The following DHX30 variants were observed in gnomAD, a reference collection of about 807,000 sequenced individuals.
DHX30 encodes ATP-dependent RNA helicase DHX30.
A neutral mutation model predicts 116.9 loss-of-function variants in DHX30; 4 were observed. That is an observed-to-expected ratio of 0.03 (90% CI 0.02 to 0.08). The LOEUF (loss-of-function observed/expected upper bound fraction) is 0.08, where lower values mean the gene tolerates loss of function less well. DHX30 is among the 10% of genes least tolerant of loss of function. The pLI, the probability that DHX30 is intolerant of heterozygous loss-of-function variation, is 1.00. For synonymous variants in DHX30, 697 were observed against 651.7 expected (o/e 1.07, Z -1.06); for missense variants, 871 against 1,595.1 (o/e 0.55, Z 7.73).
chr3:47,847,159 G>T lies in DHX30; in HGVS notation c.1930-114G>T. 1 of 1,493,216 alleles carries T rather than the reference G, an allele frequency of 6.7e-7. No individual in the cohort carries two copies. The allele number at this position is 1,493,216 out of a possible 1,614,324, so 92.5% of individuals were successfully genotyped here. ...GACTAACCCTGCCTGCGTGGCACAC[G>T]TGAGGATTGGAGTTGATGTCAAGCG... is the stretch of plus-strand genomic sequence containing the variant. On this transcript the variant is annotated intron_variant, in intron 11 of 21. Transcript: ENST00000445061. The surrounding 1 kb of genome is among the most constrained non-coding windows in gnomAD (Gnocchi z 5.5).
chr3:47,816,301 C>T, intron 3 of DHX30: 1 of 984,550 alleles, frequency 1.0e-6, no homozygotes, highest in Non-Finnish European at 1.2e-6. Flanking sequence ...CTTTGGACTA[C>T]CTAGACAGGC....
chr3:47,843,201 C>T lies in DHX30; in HGVS notation c.885C>T (p.Arg295=). 1 of 1,614,276 alleles carries T rather than the reference C, an allele frequency of 6.2e-7. No individual in the cohort carries two copies. Among genetic ancestry groups the T allele is most frequent in the Admixed American group, 1.7e-5 (1 of 60,030 alleles). The change falls in exon 9 of 22, where the codon CGC becomes CGT. Residue 295 remains arginine, a synonymous_variant. Transcript: ENST00000445061. Reference sequence around the variant, plus strand: ...CCATGACCTTTGTTGCCAAAGGGCGCCGCAAAGCAGAGGCTGAGAATAAGG... The same window carrying T: ...CCATGACCTTTGTTGCCAAAGGGCGTCGCAAAGCAGAGGCTGAGAATAAGG... ...PCPMTFVAKG[R]RKAEAENKAA...
chr3:47,834,208 A>G (rs879404360), intron 6 of DHX30, among the ~76,000 whole-genome samples: 8 of 152,056 alleles, frequency 5.3e-5, no homozygotes, highest in Non-Finnish European at 1.2e-4. Context: ...GGTCCAAGCA[A>G]TTCTCATGTC....
Position 47,848,275 on chromosome 3 carries a change from G to T in DHX30, c.2382G>T (p.Leu794Phe), listed in dbSNP as rs745490648. 1.2e-6 allele frequency: 2 copies of T among 1,613,838 alleles called. No individual in the cohort carries two copies. Among genetic ancestry groups the T allele is most frequent in the Non-Finnish European group, 1.7e-6 (2 of 1,179,984 alleles). ...GCCAGTCCGGCTTTGCCTACCACTTGTTCCCTCGAAGCCGGCTGGAGAAAA... is the reference window on the plus strand; with the variant it reads ...GCCAGTCCGGCTTTGCCTACCACTTTTTCCCTCGAAGCCGGCTGGAGAAAA... ...GRCQSGFAYH[L>F]FPRSRLEKMV... Residue 794 changes from leucine (L) to phenylalanine (F), a missense_variant, in exon 15 of 22, where the codon TTG (leucine) becomes TTT (phenylalanine). Physicochemically the swap from Leu to Phe is conservative, Grantham distance 22. This residue lies in a region of DHX30 where 14 missense variants were observed against 16.2 expected (regional missense o/e 0.86). Coordinates refer to ENST00000445061, the MANE Select transcript of DHX30 (RefSeq NM_138615.3). The surrounding 1 kb of genome is among the most constrained non-coding windows in gnomAD (Gnocchi z 9.4).
At chr3:47,815,924 A>G in intron 3 of DHX30, 1 of 983,300 alleles carries the variant, frequency 1.0e-6, no homozygotes. Flanking sequence ...ATAACTAATC[A>G]TTGAATCATT....
In DHX30 at chr3:47,813,922, T is replaced by C. The variant is rs557001761; in HGVS notation, c.28+3211T>C. Among the ~76,000 whole-genome samples, 12 of 142,880 alleles carry C rather than the reference T, an allele frequency of 8.4e-5. No individual in the cohort carries two copies. In the East Asian group the frequency reaches 1.3e-3, roughly 15 times the overall value. The allele number at this position is 142,880 out of a possible 152,430, so 93.7% of individuals were successfully genotyped here. A position where few individuals can be genotyped will look rare whatever the true frequency, so the allele number is the denominator to read the frequency against. On this transcript the variant is annotated intron_variant, in intron 3 of 21. Transcript: ENST00000445061. ...TTTTTTTTTTTTTTTTGGCCAGCTG[T>C]ATGTAAGAAGGAAAAAACTGAACTT...
At chr3:47,828,944 C>T in intron 5 of DHX30, 80 bp from the exon 6 acceptor site, 3 of 813,420 alleles carry the variant, frequency 3.7e-6, no homozygotes, top group South Asian at 1.5e-5. Flanking sequence ...TGAGGTCCAC[C>T]ACTGTTTATT....
At chr3:47,839,043 G>T (rs541789396) in intron 6 of DHX30, among the ~76,000 whole-genome samples, 2 of 151,326 alleles carry the variant, frequency 1.3e-5, no homozygotes, top group South Asian at 4.2e-4. Flanking sequence ...CTGGCTAACT[G>T]CCTCTTATAT....
At chr3:47,834,525 A>C (rs1432789966) in intron 6 of DHX30, among the ~76,000 whole-genome samples, 2 of 152,152 alleles carry the variant, frequency 1.3e-5, no homozygotes, top group Non-Finnish European at 2.9e-5. Context: ...GCTGGAATGC[A>C]GTGGTGCGAT....
At chr3:47,836,368 G>A (rs1425887337) in intron 6 of DHX30, among the ~76,000 whole-genome samples, 1 of 151,870 alleles carries the variant, frequency 6.6e-6, no homozygotes, top group Non-Finnish European at 1.5e-5. Context: ...CTGACCTTAG[G>A]TGATCCGCCT....
chr3:47,824,261 C>T (rs867930518), intron 4 of DHX30, among the ~76,000 whole-genome samples: 9 of 152,038 alleles, frequency 5.9e-5, no homozygotes, highest in Admixed American at 2.6e-4. Flanking sequence ...CCTCGGCTTC[C>T]GAAAGTGCTG....
chr3:47,846,337 G>A lies in DHX30; in HGVS notation c.1265G>A (p.Arg422Gln), dbSNP rs770195948. The A allele has an allele frequency of 3.1e-6, 5 of 1,614,102 alleles. No homozygotes were observed. Among genetic ancestry groups the A allele is most frequent in the East Asian group, 2.2e-5 (1 of 44,888 alleles). The change falls in exon 11 of 22, where the codon CGG becomes CAG. Residue 422 changes from arginine to glutamine, a missense_variant. Arg to Gln is a conservative substitution (Grantham distance 43, BLOSUM62 1). Around this residue, in one of 13 missense-constraint regions of DHX30, gnomAD observed 175 missense variants for 292.9 expected, o/e 0.60. Coordinates refer to ENST00000445061, the MANE Select transcript of DHX30 (RefSeq NM_138615.3). ...AGCCAGAGTCTGCTAGAACTGTGGC[G>A]GCGGCGAGGGCCGGTCTGGCAGGAG... is the stretch of plus-strand genomic sequence containing the variant. ...RLSQSLLELW[R>Q]RRGPVWQEAP...
In DHX30 at chr3:47,847,051, A is replaced by G. The variant is rs1464837571; in HGVS notation, c.1929+50A>G. On this transcript the variant is annotated intron_variant, in intron 11 of 21. Coordinates refer to ENST00000445061, the MANE Select transcript of DHX30 (RefSeq NM_138615.3). This position sits in a 1 kb window ranked among gnomAD's most constrained non-coding sequence, Gnocchi z 5.5. Reference sequence around the variant, plus strand: ...AAGGCTCCTGGCCTTTCCTCCGTGGATGCCCCTCCTCCCTGGCCCTGGGGC... The same window carrying G: ...AAGGCTCCTGGCCTTTCCTCCGTGGGTGCCCCTCCTCCCTGGCCCTGGGGC... 4 of 1,573,892 alleles carry G rather than the reference A, an allele frequency of 2.5e-6. No homozygotes were observed. Among genetic ancestry groups the G allele is most frequent in the Non-Finnish European group, 3.5e-6 (4 of 1,158,032 alleles).
rs1268796088 is a variant in DHX30 at position 47,849,504 on chromosome 3, A to G, written c.3141A>G (p.Thr1047=). ...GGAAGTTCAAGCCCAACAGCGTCAC[A>G]TATAGGACCAAATCAGGCAACATCC... ...RQGKFKPNSV[T]YRTKSGNILL... is the part of the protein sequence containing the mutation. Residue 1047 remains threonine (T), a synonymous_variant, in exon 20 of 22, where the codon ACA becomes ACG. Transcript: ENST00000445061. 1.2e-6 allele frequency: 2 copies of G among 1,600,472 alleles called. No homozygotes were observed. Among genetic ancestry groups the G allele is most frequent in the Admixed American group, 3.4e-5 (2 of 59,516 alleles).
chr3:47,829,603 C>CA (rs1260273248), intron 6 of DHX30, among the ~76,000 whole-genome samples: 1 of 151,896 alleles, frequency 6.6e-6, no homozygotes, highest in Non-Finnish European at 1.5e-5. Context: ...CTAGGCCTCT[C>CA]AAAGTGTTGG....
At position 47,829,012 on chromosome 3, in the gene DHX30, T is replaced by C. The variant is rs769508026; in HGVS notation, c.256-12T>C. ...GTGGCAAGACTTCTGATTTCTCTCT[T>C]CTCTTCCCCAGAAAGTCACACTGCA... On this transcript the variant is annotated splice_polypyrimidine_tract_variant and intron_variant, in intron 5 of 21. Coordinates refer to ENST00000445061, the MANE Select transcript of DHX30 (RefSeq NM_138615.3). 2 of 1,573,610 alleles carry C rather than the reference T, an allele frequency of 1.3e-6. No individual in the cohort carries two copies. The highest frequency in any genetic ancestry group is 2.3e-5 in the South Asian group (2 of 88,872).
rs143353218 is a variant in DHX30, at chr3:47,849,720, G to T, written c.3282G>T (p.Val1094=). Residue 1094 remains valine, a synonymous_variant, in exon 21 of 22, where the codon GTG becomes GTT. Coordinates refer to ENST00000445061, the MANE Select transcript of DHX30 (RefSeq NM_138615.3). ...GSVFVRDSSQ[V]HPLAVLLLTD... is the part of the protein sequence containing the mutation. ...TCTTCGTCCGGGACTCCTCTCAGGT[G>T]CACCCGCTAGCTGTGCTGCTGCTGA... 1 of 1,614,096 alleles carries T rather than the reference G, an allele frequency of 6.2e-7. No individual in the cohort carries two copies. The highest frequency in any genetic ancestry group is 1.6e-4 in the Middle Eastern group (1 of 6,062).
Position 47,848,287 on chromosome 3 carries a change from C to A in DHX30, c.2394C>A (p.Ser798Arg). The A allele has an allele frequency of 6.2e-7, 1 of 1,613,882 alleles. No homozygotes were observed. Among genetic ancestry groups the A allele is most frequent in the Non-Finnish European group, 8.5e-7 (1 of 1,179,984 alleles). The stretch of plus-strand genomic sequence containing the variant: ...TTGCCTACCACTTGTTCCCTCGAAG[C>A]CGGCTGGAGAAAATGGTCCCTTTCC... ...SGFAYHLFPR[S>R]RLEKMVPFQV... The change falls in exon 15 of 22, where the codon AGC becomes AGA. Residue 798 changes from serine (S) to arginine (R), a missense_variant. Ser to Arg is a moderately radical substitution (Grantham distance 110). Around this residue, in one of 13 missense-constraint regions of DHX30, gnomAD observed 14 missense variants for 16.2 expected, o/e 0.86. Transcript: ENST00000445061. This position sits in a 1 kb window ranked among gnomAD's most constrained non-coding sequence, Gnocchi z 9.4.
At chr3:47,834,701 C>G (rs567450063) in intron 6 of DHX30, among the ~76,000 whole-genome samples, 1 of 152,082 alleles carries the variant, frequency 6.6e-6, no homozygotes, top group Non-Finnish European at 1.5e-5. Context: ...CTCAAGCAAT[C>G]CACCTGTCTC....
Sources: gnomAD v4.1 joint callset for allele counts (sites outside exome capture counted in the v4.1 genomes callset) on GRCh38, gnomAD v4.1.1 for gene constraint, gnomAD v4.1.1 regional missense constraint, Gnocchi (gnomAD v3.1) non-coding constraint, MANE v1.5 for transcripts, NCBI Gene and HGNC (gene_info 2026-07-23, HGNC 2026-07-21) for gene names.